ST6GALNAC3: variants seen among roughly 807,000 people sequenced by gnomAD.
The protein encoded by ST6GALNAC3 is ST6 N-acetylgalactosaminide alpha-2,6-sialyltransferase 3, also known as alpha-N-acetylgalactosaminide alpha-2,6-sialyltransferase 3.
A neutral mutation model predicts 32.7 loss-of-function variants in ST6GALNAC3; 25 were observed. That is an observed-to-expected ratio of 0.76 (90% confidence interval 0.56 to 1.07). The LOEUF (loss-of-function observed/expected upper bound fraction) is 1.07. Among genes scored for constraint, ST6GALNAC3 ranks in the 50% least tolerant of loss-of-function variants. The pLI is 0.00. For missense variants in ST6GALNAC3, 355 were observed against 382.4 expected (o/e 0.93, Z 0.60); for synonymous variants, 129 against 133.1 (o/e 0.97, Z 0.21).
chr1:76,348,279 C>G (rs1648684702), intron 2 of ST6GALNAC3, among the ~76,000 whole-genome samples: 1 of 152,130 alleles, frequency 6.6e-6, no homozygotes, highest in African/African-American at 2.4e-5. Context: ...CTTTCTGACC[C>G]TGTCTAATTT....
At chr1:76,558,382 A>G (rs1368360162) in intron 3 of ST6GALNAC3, among the ~76,000 whole-genome samples, 3 of 152,184 alleles carry the variant, frequency 2.0e-5, no homozygotes. Flanking sequence ...GAAAATGTAC[A>G]TATACACCAT....
At chr1:76,101,922 T>C (rs114582123) in intron 1 of ST6GALNAC3, among the ~76,000 whole-genome samples, 2,350 of 152,302 alleles carry the variant, frequency 0.015, 17 homozygotes, top group Non-Finnish European at 0.025. Flanking sequence ...TTTATACGTG[T>C]TTGCTATGTG....
At chr1:76,616,529 C>T (rs1196092718) in intron 3 of ST6GALNAC3, among the ~76,000 whole-genome samples, 1 of 152,112 alleles carries the variant, frequency 6.6e-6, no homozygotes, top group African/African-American at 2.4e-5. Context: ...ATGAGAGCAG[C>T]GCCTGCCTTG....
chr1:76,541,876 C>T (rs1294423489), intron 3 of ST6GALNAC3, among the ~76,000 whole-genome samples: 1 of 152,258 alleles, frequency 6.6e-6, no homozygotes, highest in Non-Finnish European at 1.5e-5. Context: ...GATGCATTCC[C>T]ACTCAATTAC....
intron 1 of ST6GALNAC3, among the ~76,000 whole-genome samples, chr1:76,227,947 G>GA (rs35398262): frequency 1.3e-5 from 2 of 151,750 alleles, no homozygotes; most frequent in Admixed American, 1.3e-4. Context: ...TGTGTTCAGG[G>GA]AAAAAAAAGT....
chr1:76,213,216 T>C (rs542725644), intron 1 of ST6GALNAC3, among the ~76,000 whole-genome samples: 2 of 152,100 alleles, frequency 1.3e-5, no homozygotes, highest in Non-Finnish European at 2.9e-5. Context: ...GAATGACATG[T>C]GGTACTTCAA....
intron 1 of ST6GALNAC3, among the ~76,000 whole-genome samples, chr1:76,193,289 CTTTA>C (rs910222295): frequency 3.9e-5 from 6 of 152,118 alleles, no homozygotes; most frequent in Non-Finnish European, 7.4e-5. Flanking sequence ...TAGAAAATGT[CTTTA>C]TTTATTTATT....
At chr1:76,564,960 C>A (rs1187665809) in intron 3 of ST6GALNAC3, among the ~76,000 whole-genome samples, 3 of 152,110 alleles carry the variant, frequency 2.0e-5, no homozygotes, top group African/African-American at 7.2e-5. Flanking sequence ...AGTTCTGTTT[C>A]TTATTTTTGA....
rs973840764 is a variant in ST6GALNAC3 at position 76,632,930 on chromosome 1, G to A, written c.*4124G>A. The A allele has an allele frequency of 6.6e-6, 1 of 152,080 alleles. No homozygotes were observed. Among genetic ancestry groups the A allele is most frequent in the African/African-American group, 2.4e-5 (1 of 41,378 alleles). 9.4% of individuals were successfully genotyped at this position (152,080 alleles called of 1,614,324 possible). ...AAAGGATTTACAGTCTGAGGGCCAA[G>A]AGAGAAAAAATGCTTTTTTCTTAAA... On this transcript the variant is annotated 3_prime_UTR_variant, in exon 5 of 5. Coordinates refer to ENST00000328299, the MANE Select transcript of ST6GALNAC3 (RefSeq NM_152996.4).
At chr1:76,534,787 T>C (rs762081405) in intron 3 of ST6GALNAC3, among the ~76,000 whole-genome samples, 4 of 152,204 alleles carry the variant, frequency 2.6e-5, no homozygotes, top group Non-Finnish European at 5.9e-5. Flanking sequence ...TGGCATGTCA[T>C]AGGTGATCAG....
intron 1 of ST6GALNAC3, among the ~76,000 whole-genome samples, chr1:76,199,398 T>C (rs75040556): frequency 6.6e-6 from 1 of 152,180 alleles, no homozygotes; most frequent in Admixed American, 6.5e-5. Context: ...CTGGAGTTGA[T>C]GAGTAGTAGA....
At chr1:76,204,078 A>G (rs1444827797) in intron 1 of ST6GALNAC3, among the ~76,000 whole-genome samples, 1 of 151,992 alleles carries the variant, frequency 6.6e-6, no homozygotes, top group East Asian at 1.9e-4. Context: ...TCTGCTAACC[A>G]CCAATCTGCT....
intron 1 of ST6GALNAC3, among the ~76,000 whole-genome samples, chr1:76,149,708 T>C (rs1650921966): frequency 6.6e-6 from 1 of 152,094 alleles, no homozygotes; most frequent in South Asian, 2.1e-4. Context: ...TGTGTATTCA[T>C]ATTTCTGTAT....
At chr1:76,586,734 C>A (rs1646967582) in intron 3 of ST6GALNAC3, among the ~76,000 whole-genome samples, 1 of 152,160 alleles carries the variant, frequency 6.6e-6, no homozygotes, top group African/African-American at 2.4e-5. Context: ...TTTAATATTT[C>A]TTCAAAATGT....
At chr1:76,320,324 C>T (rs1212252375) in intron 2 of ST6GALNAC3, among the ~76,000 whole-genome samples, 1 of 152,206 alleles carries the variant, frequency 6.6e-6, no homozygotes, top group Non-Finnish European at 1.5e-5. Context: ...TTGCCTCACA[C>T]TTGGTGGATC....
intron 1 of ST6GALNAC3, among the ~76,000 whole-genome samples, chr1:76,151,598 C>T (rs1275324455): frequency 6.6e-6 from 1 of 152,182 alleles, no homozygotes; most frequent in Non-Finnish European, 1.5e-5. Context: ...TGGACAGCTG[C>T]AGCTCAGTTC....
chr1:76,402,471 C>T (rs1653499489), intron 2 of ST6GALNAC3, among the ~76,000 whole-genome samples: 1 of 152,136 alleles, frequency 6.6e-6, no homozygotes, highest in Non-Finnish European at 1.5e-5. Flanking sequence ...TCTCAACTTC[C>T]AACTTTCAGC....
intron 3 of ST6GALNAC3, among the ~76,000 whole-genome samples, chr1:76,444,243 A>G (rs1656816668): frequency 6.6e-6 from 1 of 152,198 alleles, no homozygotes; most frequent in South Asian, 2.1e-4. Context: ...GAGTTAGATT[A>G]AGGGATACTA....
intron 3 of ST6GALNAC3, among the ~76,000 whole-genome samples, chr1:76,462,614 A>T (rs1658356459): frequency 6.6e-6 from 1 of 152,162 alleles, no homozygotes; most frequent in Non-Finnish European, 1.5e-5. Context: ...TTTCAGATGG[A>T]TAGATAAATA....
Sources: gnomAD v4.1 joint callset for allele counts (sites outside exome capture counted in the v4.1 genomes callset) on GRCh38, gnomAD v4.1.1 for gene constraint, MANE v1.5 for transcripts, NCBI Gene and HGNC (gene_info 2026-07-23, HGNC 2026-07-21) for gene names.